The following PCM1 variants were observed in gnomAD, a reference collection of about 807,000 sequenced individuals.
The protein encoded by PCM1 is pericentriolar material 1, also known as pericentriolar material 1 protein.
In PCM1, 157 loss-of-function variants were observed where a neutral mutation model predicts 241.9. The observed-to-expected ratio is 0.65, with a 90% CI of 0.57 to 0.74. The LOEUF (loss-of-function observed/expected upper bound fraction) is 0.74, where lower values mean the gene tolerates loss of function less well. Among genes scored for constraint, PCM1 ranks in the 30% least tolerant of loss-of-function variants. PCM1 has a pLI of 0.00. For missense variants in PCM1, 3,478 were observed against 2,360.1 expected (o/e 1.47, Z -9.81); for synonymous variants, 1,085 against 784.9 (o/e 1.38, Z -6.39).
chr8:18,009,899 C>T (rs939956028), intron 31 of PCM1, among the ~76,000 whole-genome samples, 155 bp downstream of exon 31: 4 of 152,118 alleles, frequency 2.6e-5, no homozygotes, highest in Non-Finnish European at 5.9e-5. Flanking sequence ...ATGCTAGTCA[C>T]TTGTGGAATT....
Position 17,937,288 on chromosome 8 carries a change from C to G in PCM1, c.251C>G (p.Pro84Arg). ...AGAACAAAGACTCCACATACGTTCC[C>G]ACACAGTAGATACATGAGTCAGATG... Reference protein sequence around the residue: ...RRRTKTPHTFPHSRYMSQMSV... With the variant: ...RRRTKTPHTFRHSRYMSQMSV... The change falls in exon 4 of 39, where the codon CCA (proline) becomes CGA (arginine). Residue 84 changes from proline to arginine, a missense_variant. Transcript: ENST00000325083. 6.2e-7 allele frequency: 1 copy of G among 1,610,060 alleles called. No individual in the cohort carries two copies. The highest frequency in any genetic ancestry group is 8.5e-7 in the Non-Finnish European group (1 of 1,177,198).
intron 6 of PCM1, among the ~76,000 whole-genome samples, chr8:17,944,537 A>AT (rs1455055340): frequency 6.6e-6 from 1 of 152,132 alleles, no homozygotes. Flanking sequence ...TGCCTAAGTT[A>AT]TTTTTTTAAT....
chr8:17,966,935 T>G, intron 20 of PCM1, 45 bp from the exon 21 acceptor site: 1 of 1,489,372 alleles, frequency 6.7e-7, no homozygotes, highest in Non-Finnish European at 9.1e-7. Context: ...TTTATATATA[T>G]GGCAATATAA....
At chr8:17,936,448 G>T (rs899708526) in intron 3 of PCM1, among the ~76,000 whole-genome samples, 12 of 152,238 alleles carry the variant, frequency 7.9e-5, no homozygotes, top group Non-Finnish European at 5.9e-5. Flanking sequence ...AATGAATTAG[G>T]TTATGTGAGT....
chr8:17,927,152 A>G (rs1585392570), intron 2 of PCM1: 1 of 134,450 alleles, frequency 7.4e-6, no homozygotes, highest in East Asian at 2.1e-4. Context: ...TTGGAGACAG[A>G]GTCTTGCTCT....
rs1311567383 is a variant in PCM1, at chr8:17,991,611, C to T, written c.4601C>T (p.Ala1534Val). Residue 1534 changes from alanine (A) to valine (V), a missense_variant, in exon 28 of 39, where the codon GCT becomes GTT. By Grantham distance (64) the Ala-to-Val change is moderately conservative. Transcript: ENST00000325083. ...GAATATGAGCGTATGAAGACTGAGG[C>T]TGAAAGTAACTCAAATATGAGATGC... ...MREYERMKTE[A>V]ESNSNMRCTC... 6.3e-7 allele frequency: 1 copy of T among 1,587,462 alleles called. No homozygotes were observed. Among genetic ancestry groups the T allele is most frequent in the Admixed American group, 1.8e-5 (1 of 55,878 alleles).
At position 18,028,255 on chromosome 8, in the gene PCM1, T is replaced by G. The variant is rs1247316502; in HGVS notation, c.*593T>G. The stretch of plus-strand genomic sequence containing the variant: ...GAAGTTATTATAGAATATTTATTAA[T>G]CCATTGAAATTGGATAATAAGTTTA... On this transcript the variant is annotated 3_prime_UTR_variant, in exon 39 of 39. Coordinates refer to ENST00000325083, the MANE Select transcript of PCM1 (RefSeq NM_006197.4). 5.3e-6 allele frequency: 1 copy of G among 187,292 alleles called. No homozygotes were observed. The highest frequency in any genetic ancestry group is 1.1e-5 in the Non-Finnish European group (1 of 88,832). The allele number at this position is 187,292 out of a possible 1,614,324, so 11.6% of individuals were successfully genotyped here. A position where few individuals can be genotyped will look rare whatever the true frequency, so the allele number is the denominator to read the frequency against.
chr8:17,939,572 GT>G (rs1460432123), intron 5 of PCM1, 118 bp from the exon 6 acceptor site: 3 of 496,408 alleles, frequency 6.0e-6, no homozygotes, highest in Non-Finnish European at 1.0e-5. Context: ...AATAATCCAA[GT>G]GTCTTTGGTT....
At chr8:17,951,040 A>G (rs1044207863) in intron 8 of PCM1, among the ~76,000 whole-genome samples, 10 of 152,196 alleles carry the variant, frequency 6.6e-5, no homozygotes, top group Non-Finnish European at 1.2e-4. Context: ...TTTTTCCTCT[A>G]AAAGACTTAA....
At chr8:17,993,448 T>C (rs766238141) in intron 28 of PCM1, 35 bp from the exon 29 acceptor site, 4 of 1,472,300 alleles carry the variant, frequency 2.7e-6, no homozygotes, top group East Asian at 4.9e-5. Flanking sequence ...ATAATAGGCT[T>C]TGTTAGGCTA....
Position 17,938,901 on chromosome 8 carries a change from A to G in PCM1, c.504A>G (p.Ser168=), listed in dbSNP as rs1250946778. ...CCCCAAACAGAGAAACGATTGGATC[A>G]GCACAGTGTAAAGAGTTGTTTGCTT... The part of the protein sequence containing the change: ...TNPPNRETIG[S]AQCKELFASA... Residue 168 remains serine (S), a synonymous_variant, in exon 5 of 39, where the codon TCA becomes TCG. Coordinates refer to ENST00000325083, the MANE Select transcript of PCM1 (RefSeq NM_006197.4). 1 of 1,613,792 alleles carries G rather than the reference A, an allele frequency of 6.2e-7. No homozygotes were observed. The highest frequency in any genetic ancestry group is 8.5e-7 in the Non-Finnish European group (1 of 1,179,666).
At chr8:17,943,082 A>C (rs17125996) in intron 6 of PCM1, among the ~76,000 whole-genome samples, 5 of 151,966 alleles carry the variant, frequency 3.3e-5, no homozygotes, top group Admixed American at 3.3e-4. Context: ...CTATTTTAGT[A>C]ATTGAGTATA....
intron 2 of PCM1, chr8:17,927,863 TAAAAAAA>T (rs11296352): frequency 8.6e-6 from 1 of 116,578 alleles, no homozygotes; most frequent in Non-Finnish European, 1.7e-5. Context: ...AGGATTTTCT[TAAAAAAA>T]AAAAAAAAAA....
chr8:17,964,654 G>A lies in PCM1; in HGVS notation c.2741G>A (p.Arg914Gln), dbSNP rs190774893. ...EDGYLSEGIV[R>Q]TDEEEEEEQD... is the part of the protein sequence containing the mutation. Reference sequence around the variant, plus strand: ...GGTTACCTTTCTGAAGGAATTGTTCGGACAGATGAAGAGGAGGAAGAAGAG... The same window carrying A: ...GGTTACCTTTCTGAAGGAATTGTTCAGACAGATGAAGAGGAGGAAGAAGAG... The change falls in exon 18 of 39, where the codon CGG (arginine) becomes CAG (glutamine). Residue 914 changes from arginine to glutamine, a missense_variant. Coordinates refer to ENST00000325083, the MANE Select transcript of PCM1 (RefSeq NM_006197.4). 1.3e-5 allele frequency: 21 copies of A among 1,613,748 alleles called. No homozygotes were observed. Among genetic ancestry groups the A allele is most frequent in the East Asian group, 4.5e-5 (2 of 44,868 alleles).
chr8:17,972,368 G>A lies in PCM1; in HGVS notation c.3624G>A (p.Arg1208=), dbSNP rs776145070. 9.6e-6 allele frequency: 15 copies of A among 1,566,576 alleles called. No individual in the cohort carries two copies. The highest frequency in any genetic ancestry group is 1.2e-5 in the Non-Finnish European group (14 of 1,155,990). ...CTGAAGAGGAGGTGGAAAGCAGTAG[G>A]ACACCATGGTTATATGAACAAGAAG... ...KLPEEEVESS[R]TPWLYEQEGE... Residue 1208 remains arginine, a synonymous_variant, in exon 23 of 39, where the codon AGG becomes AGA. Coordinates refer to ENST00000325083, the MANE Select transcript of PCM1 (RefSeq NM_006197.4).
chr8:17,926,268 T>C (rs2056907362), intron 2 of PCM1: 1 of 152,180 alleles, frequency 6.6e-6, no homozygotes, highest in Non-Finnish European at 1.5e-5. Flanking sequence ...ATAGGAGATT[T>C]GGCCATTTTT....
rs948813009 is a variant in PCM1 at position 18,010,779 on chromosome 8, C to T, written c.5220+111C>T. The T allele has an allele frequency of 1.3e-5, 9 of 684,810 alleles. No homozygotes were observed. In the African/African-American group the frequency reaches 1.5e-4, roughly 11 times the overall value. 42.4% of individuals were successfully genotyped at this position (684,810 alleles called of 1,614,324 possible). ...GGGTGGATCACGAGGTCAAGATTTC[C>T]AGACCAGCCTGGCCAACATGGTGAA... On this transcript the variant is annotated intron_variant, in intron 32 of 38. Transcript: ENST00000325083.
chr8:17,955,320 A>G, intron 9 of PCM1, 150 bp from the exon 10 acceptor site: 3 of 576,634 alleles, frequency 5.2e-6, no homozygotes, highest in Non-Finnish European at 9.0e-6. Flanking sequence ...ATTGTGGAGT[A>G]AGTTAATAAA....
intron 29 of PCM1, among the ~76,000 whole-genome samples, chr8:17,997,580 C>T (rs755390652): frequency 3.9e-5 from 6 of 151,996 alleles, no homozygotes; most frequent in Non-Finnish European, 7.4e-5. Flanking sequence ...TTCAAAGAGC[C>T]TGTCTTCAAG....
Sources: allele counts gnomAD v4.1 joint callset (sites outside exome capture counted in the v4.1 genomes callset), GRCh38; gene constraint gnomAD v4.1.1; transcripts MANE v1.5; gene names NCBI Gene and HGNC (gene_info 2026-07-23, HGNC 2026-07-21).